SNAPC3: variants seen among roughly 807,000 people sequenced by gnomAD.
SNAPC3 encodes the protein small nuclear RNA activating complex polypeptide 3, also known as snRNA-activating protein complex subunit 3.
Under a neutral mutation model 47.7 loss-of-function variants are expected in SNAPC3, and 56 were observed. The ratio of observed to expected loss-of-function variants is 1.18; its 90% CI spans 0.95 to 1.47. The LOEUF is 1.47. Among genes scored for constraint, SNAPC3 ranks in the 40% most tolerant of loss-of-function variants. The probability of loss-of-function intolerance (pLI) is 0.00; values close to 1 mark genes in which losing one functional copy is unlikely to be tolerated. For missense variants in SNAPC3, 665 were observed against 511.3 expected (o/e 1.30, Z -2.90); for synonymous variants, 235 against 189.9 (o/e 1.24, Z -1.95).
chr9:15,436,252 C>T (rs896400248), intron 3 of SNAPC3, among the ~76,000 whole-genome samples: 1 of 152,216 alleles, frequency 6.6e-6, no homozygotes, highest in African/African-American at 2.4e-5. Flanking sequence ...ATACTTAAAA[C>T]ATTGCCAGAT....
intron 3 of SNAPC3, among the ~76,000 whole-genome samples, chr9:15,440,795 A>G (rs1222207580): frequency 6.6e-6 from 1 of 152,124 alleles, no homozygotes; most frequent in Admixed American, 6.5e-5. Flanking sequence ...TAAAAATACA[A>G]AAAATTAGCT....
chr9:15,433,001 A>T (rs965202176), intron 2 of SNAPC3, among the ~76,000 whole-genome samples: 1 of 152,194 alleles, frequency 6.6e-6, no homozygotes, highest in Non-Finnish European at 1.5e-5. Context: ...CACTAGTAAG[A>T]TGTCATATTA....
intron 7 of SNAPC3, among the ~76,000 whole-genome samples, chr9:15,454,807 A>C (rs1050751111): frequency 3.3e-5 from 5 of 152,108 alleles, no homozygotes; most frequent in African/African-American, 1.2e-4. Flanking sequence ...GGTGGTGGGC[A>C]CCTGTAGTCC....
At position 15,423,175 on chromosome 9, in the gene SNAPC3, A is replaced by C; in HGVS notation, c.296A>C (p.Glu99Ala). The C allele has an allele frequency of 6.3e-7, 1 of 1,577,478 alleles. No individual in the cohort carries two copies. Among genetic ancestry groups the C allele is most frequent in the Non-Finnish European group, 8.5e-7 (1 of 1,170,796 alleles). Residue 99 changes from glutamate to alanine, a missense_variant, in exon 1 of 9, where the codon GAG becomes GCG. Physicochemically the swap from Glu to Ala is moderately radical, Grantham distance 107. Transcript: ENST00000380821. ...GACTGCAGCCTGGAGGCGGCGGCTG[A>C]GCTGAGGGCGGTGTGCGGGTGAGTG... ...DLDCSLEAAA[E>A]LRAVCGLDKL...
chr9:15,425,199 T>TA (rs2031200483), intron 2 of SNAPC3, among the ~76,000 whole-genome samples: 1 of 152,208 alleles, frequency 6.6e-6, no homozygotes, highest in African/African-American at 2.4e-5. Flanking sequence ...ATCTGAAACA[T>TA]ACCACTTCTA....
At position 15,451,379 on chromosome 9, in the gene SNAPC3, C is replaced by A; in HGVS notation, c.792C>A (p.Tyr264Ter). 15 of 1,544,120 alleles carry A rather than the reference C, an allele frequency of 9.7e-6. No homozygotes were observed. The highest frequency in any genetic ancestry group is 2.4e-5 in the South Asian group (2 of 82,878). ...FEGTFYNDKR[Y>*]PECRDLSRTI... ...GAACATTTTATAATGATAAAAGATA[C>A]CCAGAATGCAGAGATTTGAGCAGGT... is the stretch of plus-strand genomic sequence containing the variant. Residue 264 changes from tyrosine to a stop codon, truncating the protein, a stop_gained, in exon 6 of 9, where the codon TAC (tyrosine) becomes TAA (stop). Transcript: ENST00000380821. LOFTEE classifies it high-confidence loss of function.
intron 3 of SNAPC3, among the ~76,000 whole-genome samples, chr9:15,440,824 C>T (rs913728917): frequency 5.3e-5 from 8 of 151,944 alleles, no homozygotes; most frequent in African/African-American, 1.9e-4. Flanking sequence ...TGGCGAGTGT[C>T]TGTAGTCCCA....
Position 15,423,147 on chromosome 9 carries a change from C to T in SNAPC3, c.268C>T (p.Leu90=). 1 of 1,572,236 alleles carries T rather than the reference C, an allele frequency of 6.4e-7. No individual in the cohort carries two copies. The highest frequency in any genetic ancestry group is 8.6e-7 in the Non-Finnish European group (1 of 1,168,568). The change falls in exon 1 of 9, where the codon CTG becomes TTG. Residue 90 remains leucine, a synonymous_variant. Transcript: ENST00000380821. ...GGAGGATGCCGCGGTGGCCAGGGATCTGGACTGCAGCCTGGAGGCGGCGGC... is the reference window on the plus strand; with the variant it reads ...GGAGGATGCCGCGGTGGCCAGGGATTTGGACTGCAGCCTGGAGGCGGCGGC... The part of the protein sequence containing the change: ...DREDAAVARD[L]DCSLEAAAEL...
intron 3 of SNAPC3, among the ~76,000 whole-genome samples, chr9:15,441,828 T>A (rs1189122769): frequency 2.6e-5 from 4 of 151,978 alleles, no homozygotes; most frequent in African/African-American, 7.3e-5. Context: ...CTGATTTCTC[T>A]ATCTTTTCCC....
intron 2 of SNAPC3, among the ~76,000 whole-genome samples, chr9:15,431,330 C>T (rs980331261): frequency 6.6e-6 from 1 of 152,296 alleles, no homozygotes; most frequent in South Asian, 2.1e-4. Flanking sequence ...CTTCCCTGCG[C>T]TCTTTCTCAG....
intron 5 of SNAPC3, among the ~76,000 whole-genome samples, chr9:15,447,769 A>G (rs113470286): frequency 1.1e-4 from 17 of 152,302 alleles, no homozygotes; most frequent in African/African-American, 3.8e-4. Flanking sequence ...GAGAGCCTCA[A>G]ATAGTTAGCA....
intron 3 of SNAPC3, among the ~76,000 whole-genome samples, chr9:15,443,394 T>C (rs2033667702): frequency 6.6e-6 from 1 of 152,204 alleles, no homozygotes; most frequent in African/African-American, 2.4e-5. Context: ...TTGTGATTTA[T>C]ATGTTTTTTT....
chr9:15,423,882 A>C (rs1481826525), intron 1 of SNAPC3, 27 bp from the exon 2 acceptor site: 2 of 1,426,544 alleles, frequency 1.4e-6, no homozygotes, highest in Admixed American at 2.2e-5. Flanking sequence ...GTCGACCTTA[A>C]AGTATTGCTT....
rs2035073644 is a variant in SNAPC3, at chr9:15,459,890, C to A, written c.*24C>A. 6.3e-7 allele frequency: 1 copy of A among 1,594,744 alleles called. No individual in the cohort carries two copies. On this transcript the variant is annotated 3_prime_UTR_variant, in exon 9 of 9. Coordinates refer to ENST00000380821, the MANE Select transcript of SNAPC3 (RefSeq NM_001039697.2). Reference sequence around the variant, plus strand: ...AAGAATAGCTACACTCACAAAAATACCCCCTCATGAAATAACTGTTCTCTT... The same window carrying A: ...AAGAATAGCTACACTCACAAAAATAACCCCTCATGAAATAACTGTTCTCTT...
Position 15,459,932 on chromosome 9 carries a change from T to A in SNAPC3, c.*66T>A. 1 of 1,439,968 alleles carries A rather than the reference T, an allele frequency of 6.9e-7. No individual in the cohort carries two copies. The highest frequency in any genetic ancestry group is 9.5e-7 in the Non-Finnish European group (1 of 1,050,952). The allele number at this position is 1,439,968 out of a possible 1,614,324, so 89.2% of individuals were successfully genotyped here. A position where few individuals can be genotyped will look rare whatever the true frequency, so the allele number is the denominator to read the frequency against. ...TGTTCTCTTGGATGGTTACCTTATT[T>A]CTAAGAAACGCCACTGAGGAACAGG... On this transcript the variant is annotated 3_prime_UTR_variant, in exon 9 of 9. Transcript: ENST00000380821.
intron 3 of SNAPC3, among the ~76,000 whole-genome samples, chr9:15,441,744 G>C (rs1421517745): frequency 6.6e-6 from 1 of 152,184 alleles, no homozygotes; most frequent in Non-Finnish European, 1.5e-5. Context: ...TCCCAAGGCA[G>C]AAGAATTTTT....
chr9:15,442,104 C>CG (rs1448477444), intron 3 of SNAPC3, among the ~76,000 whole-genome samples: 1 of 148,782 alleles, frequency 6.7e-6, no homozygotes, highest in Non-Finnish European at 1.5e-5. Flanking sequence ...GCTGGCCAGG[C>CG]GGGGGCTGCC....
chr9:15,456,143 G>A (rs2034774557), intron 7 of SNAPC3, among the ~76,000 whole-genome samples: 1 of 152,058 alleles, frequency 6.6e-6, no homozygotes, highest in South Asian at 2.1e-4. Context: ...CAAAGTGCTG[G>A]GATTACAGGC....
rs1017074590 is a variant in SNAPC3, at chr9:15,460,798, T to C, written c.*932T>C. 3.9e-5 allele frequency: 6 copies of C among 152,356 alleles called. No individual in the cohort carries two copies. The highest frequency in any genetic ancestry group is 2.6e-4 in the Admixed American group (4 of 15,306). 9.4% of individuals were successfully genotyped at this position (152,356 alleles called of 1,614,324 possible). On this transcript the variant is annotated 3_prime_UTR_variant, in exon 9 of 9. Transcript: ENST00000380821. ...AATAAGACTATGTGAATAATGAATT[T>C]AAAAAGATCTTGAGTATATACTCAT...
Sources: allele counts gnomAD v4.1 joint callset (sites outside exome capture counted in the v4.1 genomes callset), GRCh38; gene constraint gnomAD v4.1.1; transcripts MANE v1.5; gene names NCBI Gene and HGNC (gene_info 2026-07-23, HGNC 2026-07-21).